Variants in RSPO3 observed in about 807,000 individuals in gnomAD.
The protein encoded by RSPO3 is R-spondin-3.
A neutral mutation model predicts 36.5 loss-of-function variants in RSPO3; 17 were observed. The ratio of observed to expected loss-of-function variants is 0.47; its 90% CI spans 0.32 to 0.70. The LOEUF is 0.70. RSPO3 is among the 30% of genes least tolerant of loss of function. The pLI, the probability that RSPO3 is intolerant of heterozygous loss-of-function variation, is 0.04. For missense variants in RSPO3, 294 were observed against 322.5 expected (o/e 0.91, Z 0.68); for synonymous variants, 108 against 107.0 (o/e 1.01, Z -0.06).
intron 3 of RSPO3, among the ~76,000 whole-genome samples, chr6:127,152,235 AGTTTG>A (rs904396400): frequency 6.6e-6 from 1 of 152,158 alleles, no homozygotes; most frequent in African/African-American, 2.4e-5. Flanking sequence ...CCAATTACTG[AGTTTG>A]GTTCATTTAA....
chr6:127,121,074 G>A (rs1327005789), intron 1 of RSPO3, among the ~76,000 whole-genome samples: 1 of 152,180 alleles, frequency 6.6e-6, no homozygotes, highest in Non-Finnish European at 1.5e-5. Flanking sequence ...CGTGCCCATT[G>A]GGCGTCCCAG....
intron 1 of RSPO3, among the ~76,000 whole-genome samples, chr6:127,125,214 T>C (rs1562239003): frequency 6.6e-6 from 1 of 152,142 alleles, no homozygotes; most frequent in Non-Finnish European, 1.5e-5. Context: ...CTTTTAACTG[T>C]CCTTATGTTT....
chr6:127,178,722 C>T (rs1209029335), intron 4 of RSPO3, among the ~76,000 whole-genome samples: 2 of 151,632 alleles, frequency 1.3e-5, no homozygotes, highest in Non-Finnish European at 2.9e-5. Context: ...GAGAAAGGAC[C>T]ATCTGTGTCT....
chr6:127,124,031 A>C (rs1773893652), intron 1 of RSPO3, among the ~76,000 whole-genome samples: 1 of 152,044 alleles, frequency 6.6e-6, no homozygotes, highest in South Asian at 2.1e-4. Flanking sequence ...TTCAATGGTT[A>C]ATCTTTTTTT....
chr6:127,131,739 T>C (rs1166165234), intron 1 of RSPO3, among the ~76,000 whole-genome samples: 1 of 152,112 alleles, frequency 6.6e-6, no homozygotes, highest in Non-Finnish European at 1.5e-5. Flanking sequence ...CACTAGCTCT[T>C]TCATGCTGAC....
At position 127,178,557 on chromosome 6, in the gene RSPO3, T is replaced by C. The variant is rs571967468; in HGVS notation, c.635-17266T>C. On this transcript the variant is annotated intron_variant, in intron 4 of 4. Transcript: ENST00000356698. The stretch of plus-strand genomic sequence containing the variant: ...GGTTAAGGGCCAACATCATATAACA[T>C]TTATTGCTTTGTATTACATTATACA... Among the ~76,000 whole-genome samples, 4 of 151,908 alleles carry C rather than the reference T, an allele frequency of 2.6e-5. No individual in the cohort carries two copies. In the South Asian group the frequency reaches 8.3e-4, roughly 31 times the overall value.
intron 4 of RSPO3, among the ~76,000 whole-genome samples, chr6:127,169,556 A>T (rs959715726): frequency 7.9e-5 from 12 of 151,948 alleles, no homozygotes; most frequent in African/African-American, 2.9e-4. Flanking sequence ...AAAACATCAG[A>T]ATAAGTCAAA....
intron 4 of RSPO3, among the ~76,000 whole-genome samples, chr6:127,186,918 T>C (rs943252473): frequency 2.0e-5 from 3 of 152,178 alleles, no homozygotes; most frequent in African/African-American, 7.2e-5. Context: ...TTTATGTACT[T>C]TCAGTCTGGC....
At chr6:127,182,729 G>T (rs1306484475) in intron 4 of RSPO3, among the ~76,000 whole-genome samples, 1 of 151,826 alleles carries the variant, frequency 6.6e-6, no homozygotes, top group Non-Finnish European at 1.5e-5. Context: ...TCCACTGAAA[G>T]AAAAATTCAA....
At chr6:127,179,671 G>A (rs778687382) in intron 4 of RSPO3, among the ~76,000 whole-genome samples, 1 of 151,848 alleles carries the variant, frequency 6.6e-6, no homozygotes, top group Admixed American at 6.6e-5. Flanking sequence ...TTACAATTCT[G>A]TAGGTGAGAA....
At chr6:127,145,389 G>T (rs1453503011) in intron 1 of RSPO3, among the ~76,000 whole-genome samples, 1 of 152,064 alleles carries the variant, frequency 6.6e-6, no homozygotes, top group Non-Finnish European at 1.5e-5. Flanking sequence ...CACTGCCAGG[G>T]AAATTTCCTT....
At position 127,119,226 on chromosome 6, in the gene RSPO3, A is replaced by T. The variant is rs752059510; in HGVS notation, c.34A>T (p.Ile12Phe). Reference protein sequence around the residue: ...HLRLISWLFIILNFMEYIGSQ... With the variant: ...HLRLISWLFIFLNFMEYIGSQ... Reference sequence around the variant, plus strand: ...GCGACTGATTTCTTGGCTTTTTATCATTTTGAACTTTATGGAATACATCGG... The same window carrying T: ...GCGACTGATTTCTTGGCTTTTTATCTTTTTGAACTTTATGGAATACATCGG... The change falls in exon 1 of 5, where the codon ATT (isoleucine) becomes TTT (phenylalanine). Residue 12 changes from isoleucine (I) to phenylalanine (F), a missense_variant. Physicochemically the swap from Ile to Phe is conservative, Grantham distance 21. Coordinates refer to ENST00000356698, the MANE Select transcript of RSPO3 (RefSeq NM_032784.5). The T allele has an allele frequency of 3.7e-6, 6 of 1,613,892 alleles. No homozygotes were observed. Among genetic ancestry groups the T allele is most frequent in the Admixed American group, 3.3e-5 (2 of 59,980 alleles).
chr6:127,121,428 G>A (rs1337735661), intron 1 of RSPO3, among the ~76,000 whole-genome samples: 1 of 152,208 alleles, frequency 6.6e-6, no homozygotes, highest in Non-Finnish European at 1.5e-5. Flanking sequence ...TTGAGGGGAT[G>A]AAAGAAGGAA....
At chr6:127,165,937 A>G (rs1774812770) in intron 4 of RSPO3, among the ~76,000 whole-genome samples, 1 of 151,966 alleles carries the variant, frequency 6.6e-6, no homozygotes, top group Admixed American at 6.6e-5. Context: ...ATACATAAAT[A>G]AAAAATTAAT....
intron 4 of RSPO3, among the ~76,000 whole-genome samples, chr6:127,179,178 A>G (rs1775130577): frequency 6.6e-6 from 1 of 151,886 alleles, no homozygotes; most frequent in Non-Finnish European, 1.5e-5. Flanking sequence ...GCATACCATA[A>G]TACCTTTCTC....
At chr6:127,169,231 T>C (rs1236862979) in intron 4 of RSPO3, among the ~76,000 whole-genome samples, 4 of 151,820 alleles carry the variant, frequency 2.6e-5, no homozygotes, top group South Asian at 2.1e-4. Context: ...GTTTGGTTTT[T>C]TGTTTTATTT....
Position 127,197,385 on chromosome 6 carries a change from G to C in RSPO3, c.*1378G>C. ...GATCCCCCTGCATCTTCAACATTTA[G>C]TCTTTTCTTCTCCATATTTTCTATC... is the stretch of plus-strand genomic sequence containing the variant. On this transcript the variant is annotated 3_prime_UTR_variant, in exon 5 of 5. Transcript: ENST00000356698. The C allele has an allele frequency of 6.5e-7, 1 of 1,549,014 alleles. No homozygotes were observed. The highest frequency in any genetic ancestry group is 8.7e-7 in the Non-Finnish European group (1 of 1,146,364).
rs1482437132 is a variant in RSPO3, at chr6:127,198,719, T to C, written c.*2712T>C. Among the ~76,000 whole-genome samples the C allele has an allele frequency of 6.6e-6, 1 of 152,142 alleles. No individual in the cohort carries two copies. Among genetic ancestry groups the C allele is most frequent in the Non-Finnish European group, 1.5e-5 (1 of 68,016 alleles). On this transcript the variant is annotated 3_prime_UTR_variant, in exon 5 of 5. Coordinates refer to ENST00000356698, the MANE Select transcript of RSPO3 (RefSeq NM_032784.5). The stretch of plus-strand genomic sequence containing the variant: ...TAGCAGTTGTGTAACCACTAGTGAG[T>C]CACTTAACTCCTCTGGGTCCCCATT...
In RSPO3 at chr6:127,137,799, T is replaced by C. The variant is rs180871476; in HGVS notation, c.98-10849T>C. ...CTGTAGTCTTTAGATATCTCAATTA[T>C]CAATAATTGCTCCTGCCTTTTAATT... On this transcript the variant is annotated intron_variant, in intron 1 of 4. Transcript: ENST00000356698. 1.8e-4 allele frequency among the ~76,000 whole-genome samples: 27 copies of C among 152,300 alleles called. No individual in the cohort carries two copies. The South Asian group carries it at 3.7e-3, about 21-fold the overall frequency.
Sources: gnomAD v4.1 joint callset for allele counts (sites outside exome capture counted in the v4.1 genomes callset) on GRCh38, gnomAD v4.1.1 for gene constraint, MANE v1.5 for transcripts, NCBI Gene and HGNC (gene_info 2026-07-23, HGNC 2026-07-21) for gene names.